THSD4: variants seen among roughly 807,000 people sequenced by gnomAD.
THSD4 encodes thrombospondin type-1 domain-containing protein 4.
A neutral mutation model predicts 119.0 loss-of-function variants in THSD4; 69 were observed. That is an observed-to-expected ratio of 0.58 (90% CI 0.48 to 0.71). The LOEUF is 0.71. THSD4 is among the 30% of genes least tolerant of loss of function. THSD4 has a pLI of 0.00. For missense variants in THSD4, 1,393 were observed against 1,391.1 expected (o/e 1.00, Z -0.02); for synonymous variants, 524 against 540.4 (o/e 0.97, Z 0.42).
intron 6 of THSD4, among the ~76,000 whole-genome samples, chr15:71,318,748 C>CT (rs2045225172): frequency 6.6e-6 from 1 of 152,096 alleles, no homozygotes; most frequent in African/African-American, 2.4e-5. Context: ...AGCAATGAAT[C>CT]TAAGACTTAG....
intron 1 of THSD4, among the ~76,000 whole-genome samples, chr15:71,098,079 C>T (rs929650106): frequency 2.0e-5 from 3 of 152,008 alleles, no homozygotes; most frequent in African/African-American, 7.2e-5. Flanking sequence ...GATCTGTGAG[C>T]ACACTGTGTC....
chr15:71,242,280 T>C (rs1041647503), intron 4 of THSD4, among the ~76,000 whole-genome samples: 3 of 152,330 alleles, frequency 2.0e-5, no homozygotes, highest in Non-Finnish European at 2.9e-5. Flanking sequence ...TGCAATCATA[T>C]GTTTGTACTT....
intron 7 of THSD4, chr15:71,547,411 T>C (rs2048853614): frequency 6.4e-7 from 1 of 1,550,422 alleles, no homozygotes; most frequent in Non-Finnish European, 8.7e-7. Flanking sequence ...TGGGTAATAA[T>C]GTTTGTCAGC....
intron 7 of THSD4, among the ~76,000 whole-genome samples, chr15:71,610,971 A>G (rs1437768118): frequency 6.6e-6 from 1 of 152,212 alleles, no homozygotes; most frequent in African/African-American, 2.4e-5. Flanking sequence ...GGAAAGAAGA[A>G]GTGAGAAGGA....
At chr15:71,309,316 C>T (rs2090255) in intron 6 of THSD4, among the ~76,000 whole-genome samples, 136,708 of 152,212 alleles carry the variant, frequency 0.9, 62,816 homozygotes, top group East Asian at 1. Context: ...TGGAAAAATA[C>T]CTATTCAAAT....
chr15:71,172,529 G>C (rs1480884640), intron 3 of THSD4, among the ~76,000 whole-genome samples: 1 of 149,948 alleles, frequency 6.7e-6, no homozygotes, highest in Non-Finnish European at 1.5e-5. Flanking sequence ...CCCTAAAATA[G>C]CCAAAACAAA....
At position 71,747,000 on chromosome 15, in the gene THSD4, C is replaced by G. The variant is rs780688976; in HGVS notation, c.2199C>G (p.Leu733=). The G allele has an allele frequency of 5.0e-6, 8 of 1,613,156 alleles. No homozygotes were observed. Among genetic ancestry groups the G allele is most frequent in the Non-Finnish European group, 5.9e-6 (7 of 1,179,892 alleles). ...EKPETTSTCQ[L]KICSEWQIRT... is the part of the protein sequence containing the mutation. Reference sequence around the variant, plus strand: ...CTGAGACCACCAGCACCTGCCAACTCAAGATCTGCAGCGAGTGGCAGATCC... The same window carrying G: ...CTGAGACCACCAGCACCTGCCAACTGAAGATCTGCAGCGAGTGGCAGATCC... The change falls in exon 13 of 18, where the codon CTC becomes CTG. Residue 733 remains leucine (L), a synonymous_variant. Transcript: ENST00000261862.
chr15:71,218,514 G>A (rs1432453728), intron 4 of THSD4, among the ~76,000 whole-genome samples: 1 of 152,154 alleles, frequency 6.6e-6, no homozygotes, highest in African/African-American at 2.4e-5. Flanking sequence ...GTATTGACGG[G>A]GGCCAGTTAA....
intron 4 of THSD4, among the ~76,000 whole-genome samples, chr15:71,233,695 G>T (rs1038494167): frequency 6.6e-6 from 1 of 152,128 alleles, no homozygotes. Context: ...TACTTAGATT[G>T]TCTTTCAGAT....
intron 14 of THSD4, among the ~76,000 whole-genome samples, chr15:71,753,930 G>A (rs1290097843): frequency 6.6e-6 from 1 of 152,142 alleles, no homozygotes; most frequent in Non-Finnish European, 1.5e-5. Context: ...AGGTATATGG[G>A]GATGTGAAGA....
intron 6 of THSD4, among the ~76,000 whole-genome samples, chr15:71,394,078 A>ATTTT (rs36141571): frequency 0.11 from 16,209 of 148,028 alleles, 991 homozygotes; most frequent in Admixed American, 0.19. Context: ...GATACACAAT[A>ATTTT]TTTTTTTTTT....
intron 7 of THSD4, among the ~76,000 whole-genome samples, chr15:71,596,366 C>A (rs1474782032): frequency 6.6e-6 from 1 of 152,136 alleles, no homozygotes; most frequent in Non-Finnish European, 1.5e-5. Context: ...TATCCAAAGG[C>A]CTTTTTTTTA....
intron 7 of THSD4, among the ~76,000 whole-genome samples, chr15:71,434,608 C>T (rs931908048): frequency 6.6e-6 from 1 of 151,760 alleles, no homozygotes; most frequent in African/African-American, 2.4e-5. Flanking sequence ...ATGAAGTTTT[C>T]CAAAAGGCCT....
intron 7 of THSD4, among the ~76,000 whole-genome samples, chr15:71,582,819 A>G (rs1455607589): frequency 6.6e-6 from 1 of 152,138 alleles, no homozygotes; most frequent in Non-Finnish European, 1.5e-5. Context: ...CTTGCATCCC[A>G]AGGATAAGTA....
At chr15:71,664,114 C>T (rs537717188) in intron 8 of THSD4, among the ~76,000 whole-genome samples, 107 of 152,100 alleles carry the variant, frequency 7.0e-4, no homozygotes, top group African/African-American at 2.5e-3. Flanking sequence ...TCCCGAGTAG[C>T]TGGGACTACA....
At chr15:71,133,983 G>A (rs1275194028) in intron 1 of THSD4, among the ~76,000 whole-genome samples, 13 of 152,212 alleles carry the variant, frequency 8.5e-5, no homozygotes, top group Admixed American at 8.5e-4. Context: ...ACTGTAATGT[G>A]TTTGCTTGAA....
chr15:71,421,424 G>A (rs900104477), intron 7 of THSD4, among the ~76,000 whole-genome samples: 1 of 152,132 alleles, frequency 6.6e-6, no homozygotes, highest in Non-Finnish European at 1.5e-5. Context: ...TTTGAAGGGT[G>A]TTTTCGCCAG....
rs374151883 is a variant in THSD4, at chr15:71,430,806, C to T, written c.1152+18983C>T. Reference sequence around the variant, plus strand: ...AAAGAGAGTTACATTCTTTACCTACCACGGGGCAGCCATAAGAAATGTGTA... The same window carrying T: ...AAAGAGAGTTACATTCTTTACCTACTACGGGGCAGCCATAAGAAATGTGTA... On this transcript the variant is annotated intron_variant, in intron 7 of 17. Coordinates refer to ENST00000261862, the MANE Select transcript of THSD4 (RefSeq NM_024817.3). 8.0e-5 allele frequency among the ~76,000 whole-genome samples: 12 copies of T among 150,074 alleles called. No individual in the cohort carries two copies. The East Asian group carries it at 2.3e-3, about 29-fold the overall frequency.
At chr15:71,305,646 C>T (rs890543153) in intron 6 of THSD4, among the ~76,000 whole-genome samples, 10 of 152,192 alleles carry the variant, frequency 6.6e-5, no homozygotes, top group Admixed American at 1.3e-4. Context: ...CTGCCCAGCA[C>T]CTAAGATGCA....
Sources: gnomAD v4.1 joint callset for allele counts (sites outside exome capture counted in the v4.1 genomes callset) on GRCh38, gnomAD v4.1.1 for gene constraint, MANE v1.5 for transcripts, NCBI Gene and HGNC (gene_info 2026-07-23, HGNC 2026-07-21) for gene names.